Variants in TMEM132D observed in about 807,000 individuals in gnomAD.
The protein encoded by TMEM132D is transmembrane protein 132D.
A neutral mutation model predicts 62.3 loss-of-function variants in TMEM132D; 21 were observed. The ratio of observed to expected loss-of-function variants is 0.34; its 90% CI spans 0.24 to 0.49. TMEM132D has a LOEUF of 0.49. TMEM132D is among the 20% of genes least tolerant of loss of function. The probability of loss-of-function intolerance (pLI) is 0.99; values close to 1 mark genes in which losing one functional copy is unlikely to be tolerated. For synonymous variants in TMEM132D, 621 were observed against 575.6 expected, an observed-to-expected ratio of 1.08 and a Z score of -1.13; for missense variants, 1,346 against 1,402.8, an observed-to-expected ratio of 0.96 and a Z score of 0.65.
intron 2 of TMEM132D, among the ~76,000 whole-genome samples, chr12:129,610,721 G>A (rs1878752625): frequency 6.6e-6 from 1 of 151,148 alleles, no homozygotes; most frequent in Non-Finnish European, 1.5e-5. Context: ...AAGCAAGTAA[G>A]TAATTGATGA....
chr12:129,512,352 T>C (rs1433842298), intron 3 of TMEM132D, among the ~76,000 whole-genome samples: 2 of 152,184 alleles, frequency 1.3e-5, no homozygotes, highest in Non-Finnish European at 2.9e-5. Context: ...TTGTAGTGTC[T>C]TTTTTACTGA....
At chr12:129,235,688 T>C (rs1413879464) in intron 4 of TMEM132D, among the ~76,000 whole-genome samples, 1 of 152,234 alleles carries the variant, frequency 6.6e-6, no homozygotes, top group Non-Finnish European at 1.5e-5. Context: ...TGTGCAGCCA[T>C]ATGTCTTCAT....
chr12:129,559,426 G>C (rs985581218), intron 2 of TMEM132D, among the ~76,000 whole-genome samples: 1 of 152,182 alleles, frequency 6.6e-6, no homozygotes, highest in Non-Finnish European at 1.5e-5. Context: ...GGTCTAAAAG[G>C]AGACGAGAGG....
chr12:129,184,093 T>G (rs970569089), intron 5 of TMEM132D, among the ~76,000 whole-genome samples: 3 of 152,084 alleles, frequency 2.0e-5, no homozygotes, highest in Non-Finnish European at 2.9e-5. Flanking sequence ...AGGAACGCCC[T>G]CTGAAGACCC....
chr12:129,653,527 C>T (rs892671358), intron 2 of TMEM132D, among the ~76,000 whole-genome samples: 25 of 152,126 alleles, frequency 1.6e-4, no homozygotes, highest in African/African-American at 4.6e-4. Flanking sequence ...TAAGATAATT[C>T]GTATCAGAGA....
At chr12:129,674,585 G>A (rs1880583809) in intron 2 of TMEM132D, among the ~76,000 whole-genome samples, 1 of 152,210 alleles carries the variant, frequency 6.6e-6, no homozygotes, top group African/African-American at 2.4e-5. Flanking sequence ...AGTCACCTGG[G>A]CTGAAGTGCA....
intron 4 of TMEM132D, among the ~76,000 whole-genome samples, chr12:129,336,767 G>A (rs1869293130): frequency 6.6e-6 from 1 of 152,172 alleles, no homozygotes; most frequent in Non-Finnish European, 1.5e-5. Flanking sequence ...AACGCCGAGT[G>A]TGGAGTGTGG....
At chr12:129,823,315 T>C (rs1302534981) in intron 1 of TMEM132D, among the ~76,000 whole-genome samples, 1 of 152,252 alleles carries the variant, frequency 6.6e-6, no homozygotes, top group Non-Finnish European at 1.5e-5. Context: ...ACAGTTGTTT[T>C]TGGGGGCTGG....
chr12:129,755,572 A>T (rs1870142994), intron 1 of TMEM132D, among the ~76,000 whole-genome samples: 2 of 152,314 alleles, frequency 1.3e-5, no homozygotes, highest in South Asian at 4.1e-4. Flanking sequence ...GGTGCCACCA[A>T]AACTCATAGC....
intron 4 of TMEM132D, among the ~76,000 whole-genome samples, chr12:129,256,498 G>A (rs1880403403): frequency 6.6e-6 from 1 of 152,008 alleles, no homozygotes; most frequent in Non-Finnish European, 1.5e-5. Flanking sequence ...TCGGCTCATG[G>A]CAACCTCCGC....
At chr12:129,181,806 T>G (rs1447495405) in intron 5 of TMEM132D, among the ~76,000 whole-genome samples, 1 of 152,242 alleles carries the variant, frequency 6.6e-6, no homozygotes, top group East Asian at 1.9e-4. Flanking sequence ...ATCTTCCTCT[T>G]CCTCTATGTA....
At chr12:129,550,375 T>C (rs1293722185) in intron 2 of TMEM132D, among the ~76,000 whole-genome samples, 5 of 152,232 alleles carry the variant, frequency 3.3e-5, no homozygotes, top group African/African-American at 9.6e-5. Context: ...GATTAATCAC[T>C]ATGTTCCCCC....
rs375507294 is a variant in TMEM132D, at chr12:129,794,756, T to G, written c.80-94058A>C. The stretch of plus-strand genomic sequence containing the variant: ...AGTGCGATCTTTTTTCCACATTATT[T>G]GCAAAATAATTTTTGCTGTTAATGG... On this transcript the variant is annotated intron_variant, in intron 1 of 8. Coordinates refer to ENST00000422113, the MANE Select transcript of TMEM132D (RefSeq NM_133448.3). Among the ~76,000 whole-genome samples, 26 of 152,332 alleles carry G rather than the reference T, an allele frequency of 1.7e-4. 1 individual carries two copies. Among genetic ancestry groups the G allele is most frequent in the African/African-American group, 6.0e-4 (25 of 41,578 alleles).
chr12:129,533,587 T>G (rs972736731), intron 2 of TMEM132D, among the ~76,000 whole-genome samples: 1 of 152,252 alleles, frequency 6.6e-6, no homozygotes, highest in East Asian at 1.9e-4. Flanking sequence ...TTCTGAAATT[T>G]TATTCATAAG....
intron 1 of TMEM132D, among the ~76,000 whole-genome samples, chr12:129,813,631 T>TATATA (rs36010730): frequency 1.4e-5 from 2 of 144,044 alleles, no homozygotes; most frequent in African/African-American, 5.1e-5. Context: ...TATATATATA[T>TATATA]TTTCAGGACT....
chr12:129,700,155 AC>A lies in TMEM132D; in HGVS notation c.622del (p.Val208TrpfsTer74). The A allele has an allele frequency of 6.2e-7, 1 of 1,612,980 alleles. No individual in the cohort carries two copies. Among genetic ancestry groups the A allele is most frequent in the Non-Finnish European group, 8.5e-7 (1 of 1,179,984 alleles). On this transcript the variant is annotated frameshift_variant, in exon 2 of 9. Transcript: ENST00000422113. LOFTEE classifies it high-confidence loss of function. ...LLSSWFSPPT[V>X]VAGRRKSVDQ... ...CACGGACTTCCTCCTCCCGGCAACC[AC>A]CGTGGGGGGGCTGAACCAGCTGGAC...
intron 5 of TMEM132D, among the ~76,000 whole-genome samples, chr12:129,194,263 A>C (rs1391454164): frequency 6.6e-6 from 1 of 152,236 alleles, no homozygotes; most frequent in African/African-American, 2.4e-5. Context: ...TACATCCAGA[A>C]CACTAACCCT....
intron 4 of TMEM132D, among the ~76,000 whole-genome samples, chr12:129,228,289 T>C (rs1277776133): frequency 1.3e-5 from 2 of 152,198 alleles, no homozygotes; most frequent in Non-Finnish European, 2.9e-5. Flanking sequence ...AAATGTCAGC[T>C]CCTTGCTCAA....
chr12:129,190,627 A>C (rs1878368409), intron 5 of TMEM132D, among the ~76,000 whole-genome samples: 1 of 151,526 alleles, frequency 6.6e-6, no homozygotes, highest in South Asian at 2.1e-4. Context: ...TAGGGCCTGC[A>C]CATGTGGGGG....
Sources: gnomAD v4.1 joint callset for allele counts (sites outside exome capture counted in the v4.1 genomes callset) on GRCh38, gnomAD v4.1.1 for gene constraint, MANE v1.5 for transcripts, NCBI Gene and HGNC (gene_info 2026-07-23, HGNC 2026-07-21) for gene names.